The following PMP22 variants were observed in gnomAD, a reference collection of about 807,000 sequenced individuals.
PMP22 encodes the protein Charcot-Marie-Tooth neuropathy 1A (greatly reduced nerve conduction velocity, hereditary motor sensory neuropathy Ia).
In PMP22, 2 loss-of-function variants were observed where a neutral mutation model predicts 18.9. That is an observed-to-expected ratio of 0.11 (90% CI 0.04 to 0.33). The LOEUF is 0.33. Ranked by LOEUF, PMP22 falls within the 10% of genes least tolerant of loss-of-function variation. The probability of loss-of-function intolerance (pLI) is 1.00; values close to 1 mark genes in which losing one functional copy is unlikely to be tolerated. For missense variants in PMP22, 169 were observed against 202.2 expected, an observed-to-expected ratio of 0.84 and a Z score of 1.00; for synonymous variants, 95 against 89.2, an observed-to-expected ratio of 1.07 and a Z score of -0.37.
At chr17:15,247,970 C>A (rs1170991445) in intron 3 of PMP22, among the ~76,000 whole-genome samples, 1 of 152,210 alleles carries the variant, frequency 6.6e-6, no homozygotes, top group Non-Finnish European at 1.5e-5. Context: ...ACCTCCCAAC[C>A]CACAACCATC....
At chr17:15,253,379 GAA>G (rs1908530878) in intron 3 of PMP22, among the ~76,000 whole-genome samples, 1 of 152,138 alleles carries the variant, frequency 6.6e-6, no homozygotes. Context: ...GGCAGCAAAA[GAA>G]AGAAAACAGC....
intron 2 of PMP22, among the ~76,000 whole-genome samples, chr17:15,259,938 CA>C (rs61415317): frequency 0.44 from 42,942 of 97,302 alleles, 6,015 homozygotes; most frequent in African/African-American, 0.52. Flanking sequence ...GACTCCATCT[CA>C]AAAAAAAAAA....
chr17:15,255,463 T>C (rs1908739924), intron 3 of PMP22, among the ~76,000 whole-genome samples: 1 of 152,062 alleles, frequency 6.6e-6, no homozygotes, highest in Non-Finnish European at 1.5e-5. Context: ...TTCCTGAAGA[T>C]GACAGCCAAA....
At chr17:15,251,043 C>T (rs1908298954) in intron 3 of PMP22, among the ~76,000 whole-genome samples, 1 of 152,188 alleles carries the variant, frequency 6.6e-6, no homozygotes, top group Admixed American at 6.5e-5. Flanking sequence ...CTCAGTACCA[C>T]AGCCTGTGAG....
At chr17:15,252,399 C>A (rs1026862637) in intron 3 of PMP22, among the ~76,000 whole-genome samples, 1 of 16,834 alleles carries the variant, frequency 5.9e-5, no homozygotes, top group African/African-American at 4.0e-4. Flanking sequence ...TTTGCTGTTG[C>A]TGCTGCTGCT....
intron 4 of PMP22, among the ~76,000 whole-genome samples, chr17:15,234,162 T>C (rs230946): frequency 0.58 from 87,525 of 151,822 alleles, 26,158 homozygotes; most frequent in African/African-American, 0.75. Context: ...AAATGCAGGA[T>C]TCAGTAGAAG....
At chr17:15,238,145 A>AGTT (rs1295297778) in intron 4 of PMP22, among the ~76,000 whole-genome samples, 4 of 152,196 alleles carry the variant, frequency 2.6e-5, no homozygotes, top group Admixed American at 6.5e-5. Context: ...ACCATCCAGG[A>AGTT]GCTTGGCTTG....
At chr17:15,264,431 T>C (rs1158075863) in intron 1 of PMP22, among the ~76,000 whole-genome samples, 1 of 152,242 alleles carries the variant, frequency 6.6e-6, no homozygotes, top group East Asian at 1.9e-4. Context: ...CCAACACTTA[T>C]GTGATCACAA....
At chr17:15,248,608 T>G (rs937795138) in intron 3 of PMP22, among the ~76,000 whole-genome samples, 3 of 152,204 alleles carry the variant, frequency 2.0e-5, no homozygotes, top group Admixed American at 1.3e-4. Flanking sequence ...TGAGGCTTTT[T>G]TATACCCTTG....
chr17:15,259,163 C>T lies in PMP22; in HGVS notation c.109G>A (p.Asp37Asn), dbSNP rs1444447898. 1.2e-6 allele frequency: 2 copies of T among 1,613,828 alleles called. No individual in the cohort carries two copies. Among genetic ancestry groups the T allele is most frequent in the Non-Finnish European group, 1.7e-6 (2 of 1,179,740 alleles). ...QWIVGNGHAT[D>N]LWQNCSTSSS... ...GAGGTGCTACAGTTCTGCCAGAGAT[C>T]AGTTGCGTGTCCATTGCCCACGATC... Residue 37 changes from aspartate (D) to asparagine (N), a missense_variant, in exon 3 of 5, where the codon GAT becomes AAT. Transcript: ENST00000312280.
At chr17:15,260,383 G>A (rs1909210080) in intron 2 of PMP22, 3 of 539,184 alleles carry the variant, frequency 5.6e-6, no homozygotes, top group South Asian at 4.5e-5. Flanking sequence ...TGAAGGTCGG[G>A]GACCCTAGAT....
chr17:15,255,840 G>T (rs532218239), intron 3 of PMP22, among the ~76,000 whole-genome samples: 3 of 152,210 alleles, frequency 2.0e-5, no homozygotes, highest in African/African-American at 7.2e-5. Flanking sequence ...GAACTCAGAC[G>T]CTGTCTGCCT....
chr17:15,258,805 A>G lies in PMP22; in HGVS notation c.178+289T>C. 2.2e-6 allele frequency: 1 copy of G among 445,354 alleles called. No individual in the cohort carries two copies. Among genetic ancestry groups the G allele is most frequent in the East Asian group, 4.7e-5 (1 of 21,278 alleles). 27.6% of individuals were successfully genotyped at this position (445,354 alleles called of 1,614,324 possible). A position where few individuals can be genotyped will look rare whatever the true frequency, so the allele number is the denominator to read the frequency against. On this transcript the variant is annotated intron_variant, in intron 3 of 4. Coordinates refer to ENST00000312280, the MANE Select transcript of PMP22 (RefSeq NM_000304.4). The surrounding 1 kb of genome is among the most constrained non-coding windows in gnomAD (Gnocchi z 4.1). Reference sequence around the variant, plus strand: ...CTATCATACCACCTTCACAGCTCCCAGGTCGATATTTTTTTCAATCACAAA... The same window carrying G: ...CTATCATACCACCTTCACAGCTCCCGGGTCGATATTTTTTTCAATCACAAA...
At chr17:15,259,051 A>G in intron 3 of PMP22, 43 bp downstream of exon 3, 1 of 1,360,620 alleles carries the variant, frequency 7.3e-7, no homozygotes, top group Non-Finnish European at 1.1e-6. Flanking sequence ...AACGTGTTAC[A>G]GGCGTCTGAG....
At chr17:15,232,470 A>G (rs1383553389) in intron 4 of PMP22, 3 of 152,134 alleles carry the variant, frequency 2.0e-5, no homozygotes, top group African/African-American at 7.2e-5. Context: ...CTGGGGACAC[A>G]CTTTATTTGC....
chr17:15,260,400 T>C, intron 2 of PMP22: 3 of 571,778 alleles, frequency 5.2e-6, no homozygotes, highest in South Asian at 4.0e-5. Context: ...AGATCGGCTC[T>C]GAAGTTACTT....
At chr17:15,246,321 G>A (rs552303885) in intron 3 of PMP22, among the ~76,000 whole-genome samples, 16 of 152,340 alleles carry the variant, frequency 1.1e-4, no homozygotes. Flanking sequence ...ATGTAAATGA[G>A]TGGGTGTGAC....
intron 3 of PMP22, among the ~76,000 whole-genome samples, chr17:15,251,408 C>T (rs919031100): frequency 1.3e-5 from 2 of 152,100 alleles, no homozygotes; most frequent in Non-Finnish European, 2.9e-5. Flanking sequence ...CATCTCTGTG[C>T]ACCCCATTTC....
chr17:15,245,425 G>A (rs1269132533), intron 3 of PMP22, among the ~76,000 whole-genome samples: 1 of 152,192 alleles, frequency 6.6e-6, no homozygotes, highest in Non-Finnish European at 1.5e-5. Flanking sequence ...GACAGCCCAG[G>A]CAGGGCTGGG....
Sources: allele counts gnomAD v4.1 joint callset (sites outside exome capture counted in the v4.1 genomes callset), GRCh38; gene constraint gnomAD v4.1.1; non-coding constraint Gnocchi (gnomAD v3.1); transcripts MANE v1.5; gene names NCBI Gene and HGNC (gene_info 2026-07-23, HGNC 2026-07-21).